Variants in UBE2O observed in about 807,000 individuals in gnomAD.
The protein encoded by UBE2O is (E3-independent) E2 ubiquitin-conjugating enzyme.
Under a neutral mutation model 125.8 loss-of-function variants are expected in UBE2O, and 15 were observed. That is an observed-to-expected ratio of 0.12 (90% CI 0.08 to 0.18). The LOEUF (loss-of-function observed/expected upper bound fraction) is 0.18, where lower values mean the gene tolerates loss of function less well. UBE2O is among the 10% of genes least tolerant of loss of function. The probability of loss-of-function intolerance (pLI) is 1.00; values close to 1 mark genes in which losing one functional copy is unlikely to be tolerated. For synonymous variants in UBE2O, 708 were observed against 703.2 expected, an observed-to-expected ratio of 1.01 and a Z score of -0.11; for missense variants, 1,280 against 1,723.6, an observed-to-expected ratio of 0.74 and a Z score of 4.56.
intron 1 of UBE2O, among the ~76,000 whole-genome samples, chr17:76,409,243 C>T (rs1394288469): frequency 2.6e-5 from 4 of 152,218 alleles, no homozygotes; most frequent in Non-Finnish European, 5.9e-5. Context: ...GCTGGGATTA[C>T]AGGCGTGAGC....
At chr17:76,411,631 G>A (rs1021113279) in intron 1 of UBE2O, among the ~76,000 whole-genome samples, 1 of 152,160 alleles carries the variant, frequency 6.6e-6, no homozygotes, top group African/African-American at 2.4e-5. Flanking sequence ...TTTTAATCCC[G>A]GGGTAAAAGG....
chr17:76,399,112 G>A lies in UBE2O; in HGVS notation c.1629-121C>T. 7.5e-7 allele frequency: 1 copy of A among 1,340,382 alleles called. No individual in the cohort carries two copies. The highest frequency in any genetic ancestry group is 1.0e-6 in the Non-Finnish European group (1 of 996,748). 83.0% of individuals were successfully genotyped at this position (1,340,382 alleles called of 1,614,324 possible). ...GGTAACCTGAAACTCTGAATCCCAG[G>A]TTGGCAGGATGAGTCTCTGGTGCAC... On this transcript the variant is annotated intron_variant, in intron 9 of 17. Coordinates refer to ENST00000319380, the MANE Select transcript of UBE2O (RefSeq NM_022066.4). The surrounding 1 kb of genome is among the most constrained non-coding windows in gnomAD (Gnocchi z 6.9).
At chr17:76,406,495 C>A (rs1022939150) in intron 1 of UBE2O, among the ~76,000 whole-genome samples, 3 of 151,772 alleles carry the variant, frequency 2.0e-5, no homozygotes, top group African/African-American at 7.3e-5. Context: ...TGAGAGGTCA[C>A]CACCAAGAAA....
At chr17:76,408,781 A>G (rs537466140) in intron 1 of UBE2O, among the ~76,000 whole-genome samples, 1 of 152,282 alleles carries the variant, frequency 6.6e-6, no homozygotes, top group African/African-American at 2.4e-5. Context: ...GGAAAGCACC[A>G]GATTTGTGAA....
At chr17:76,427,081 G>T (rs1010807156) in intron 1 of UBE2O, among the ~76,000 whole-genome samples, 3 of 152,076 alleles carry the variant, frequency 2.0e-5, no homozygotes, top group Non-Finnish European at 4.4e-5. Context: ...TTTCACTGTT[G>T]AACCTGGGGA....
At chr17:76,427,715 C>A (rs979000977) in intron 1 of UBE2O, among the ~76,000 whole-genome samples, 4 of 152,262 alleles carry the variant, frequency 2.6e-5, no homozygotes, top group Non-Finnish European at 5.9e-5. Flanking sequence ...GTTATAAACA[C>A]AGACTTAGAA....
chr17:76,413,566 G>A (rs1323947757), intron 1 of UBE2O, among the ~76,000 whole-genome samples: 1 of 152,140 alleles, frequency 6.6e-6, no homozygotes, highest in Non-Finnish European at 1.5e-5. Flanking sequence ...TATATAACAC[G>A]TATGTGTCCC....
rs1342830351 is a variant in UBE2O at position 76,410,514 on chromosome 17, C to T, written c.418-4942G>A. On this transcript the variant is annotated intron_variant, in intron 1 of 17. Coordinates refer to ENST00000319380, the MANE Select transcript of UBE2O (RefSeq NM_022066.4). The surrounding 1 kb of genome is among the most constrained non-coding windows in gnomAD (Gnocchi z 4.0). ...AGAAGCCCTGAAGGTGCTCTGGAGA[C>T]GCAGGTGCTGAGACCCGAACAATGG... Among the ~76,000 whole-genome samples the T allele has an allele frequency of 7.2e-5, 11 of 152,126 alleles. No homozygotes were observed. In the East Asian group the frequency reaches 1.7e-3, roughly 24 times the overall value.
chr17:76,433,163 T>G (rs543938742), intron 1 of UBE2O, among the ~76,000 whole-genome samples: 1 of 151,570 alleles, frequency 6.6e-6, no homozygotes, highest in Non-Finnish European at 1.5e-5. Flanking sequence ...TTATTCAGAA[T>G]AGCCAAAAGG....
intron 1 of UBE2O, among the ~76,000 whole-genome samples, chr17:76,413,655 G>A (rs1415653227): frequency 6.6e-6 from 1 of 152,086 alleles, no homozygotes; most frequent in African/African-American, 2.4e-5. Context: ...TGAATTCTCT[G>A]CCCAGCACCT....
At chr17:76,435,405 CACACACACACAT>C (rs66640416) in intron 1 of UBE2O, among the ~76,000 whole-genome samples, 12,105 of 79,954 alleles carry the variant, frequency 0.15, 515 homozygotes, top group East Asian at 0.21. Context: ...TACAGATACA[CACACACACACAT>C]ACACACACAC....
At chr17:76,417,686 C>A (rs978281113) in intron 1 of UBE2O, among the ~76,000 whole-genome samples, 1 of 143,580 alleles carries the variant, frequency 7.0e-6, no homozygotes, top group African/African-American at 2.7e-5. Context: ...GAGAGCACCA[C>A]GAAGGGCCTT....
Position 76,452,932 on chromosome 17 carries a change from G to A in UBE2O, c.210C>T (p.Tyr70=). 1 of 1,499,542 alleles carries A rather than the reference G, an allele frequency of 6.7e-7. No individual in the cohort carries two copies. The highest frequency in any genetic ancestry group is 8.9e-7 in the Non-Finnish European group (1 of 1,124,064). 92.9% of individuals were successfully genotyped at this position (1,499,542 alleles called of 1,614,324 possible). A position where few individuals can be genotyped will look rare whatever the true frequency, so the allele number is the denominator to read the frequency against. ...CCAGCCCGAAGTGCACGGAGCCACG[G>A]TAACGGCCCGACACCAGGTCGTGAG... The part of the protein sequence containing the change: ...LFSHDLVSGR[Y]RGSVHFGLVR... Residue 70 remains tyrosine (Y), a synonymous_variant, in exon 1 of 18, where the codon TAC becomes TAT. Transcript: ENST00000319380. The surrounding 1 kb of genome is among the most constrained non-coding windows in gnomAD (Gnocchi z 4.4).
At chr17:76,403,611 C>A (rs2072367722) in intron 3 of UBE2O, among the ~76,000 whole-genome samples, 1 of 152,072 alleles carries the variant, frequency 6.6e-6, no homozygotes, top group Non-Finnish European at 1.5e-5. Context: ...ACACATAGAG[C>A]AGGTAGTGAC....
chr17:76,451,788 G>A (rs1471298369), intron 1 of UBE2O, among the ~76,000 whole-genome samples: 1 of 151,982 alleles, frequency 6.6e-6, no homozygotes, highest in East Asian at 1.9e-4. Context: ...GGGTGTGTGT[G>A]TGTGTGTGTG....
Position 76,405,838 on chromosome 17 carries a change from C to T in UBE2O, c.418-266G>A, listed in dbSNP as rs1411606155. Among the ~76,000 whole-genome samples, 45 of 152,216 alleles carry T rather than the reference C, an allele frequency of 3.0e-4. No individual in the cohort carries two copies. On this transcript the variant is annotated intron_variant, in intron 1 of 17. Transcript: ENST00000319380. This position sits in a 1 kb window ranked among gnomAD's most constrained non-coding sequence, Gnocchi z 6.1. Reference sequence around the variant, plus strand: ...AGGCACTTGGCTTGCCGGAGGTAGCCTTCCTCACACTGAACAGTGCAGCTC... The same window carrying T: ...AGGCACTTGGCTTGCCGGAGGTAGCTTTCCTCACACTGAACAGTGCAGCTC...
chr17:76,428,484 T>C (rs939803040), intron 1 of UBE2O, among the ~76,000 whole-genome samples: 1 of 152,254 alleles, frequency 6.6e-6, no homozygotes, highest in Non-Finnish European at 1.5e-5. Flanking sequence ...CTGATTTTTA[T>C]AGTAACTTTT....
chr17:76,451,741 G>T (rs1269273709), intron 1 of UBE2O, among the ~76,000 whole-genome samples: 1 of 151,574 alleles, frequency 6.6e-6, no homozygotes, highest in Admixed American at 6.6e-5. Context: ...GAAGGGGAGG[G>T]GAAGTAGGAG....
chr17:76,444,049 C>T (rs1334865565), intron 1 of UBE2O, among the ~76,000 whole-genome samples: 3 of 152,042 alleles, frequency 2.0e-5, no homozygotes, highest in African/African-American at 4.8e-5. Flanking sequence ...GGTGAAACCC[C>T]GTCTCTGCTA....
Sources: gnomAD v4.1 joint callset for allele counts (sites outside exome capture counted in the v4.1 genomes callset) on GRCh38, gnomAD v4.1.1 for gene constraint, Gnocchi (gnomAD v3.1) non-coding constraint, MANE v1.5 for transcripts, NCBI Gene and HGNC (gene_info 2026-07-23, HGNC 2026-07-21) for gene names.